The following GBE1 variants were observed in gnomAD, a reference collection of about 807,000 sequenced individuals.
GBE1 encodes 1,4-alpha-glucan branching enzyme 1.
Under a neutral mutation model 88.8 loss-of-function variants are expected in GBE1, and 70 were observed. The observed-to-expected ratio is 0.79, with a 90% CI of 0.65 to 0.96. GBE1 has a LOEUF of 0.96. GBE1 is among the 40% of genes least tolerant of loss of function. GBE1 has a pLI of 0.00. For missense variants in GBE1, 872 were observed against 871.0 expected, an observed-to-expected ratio of 1.00 and a Z score of -0.01; for synonymous variants, 284 against 300.1, an observed-to-expected ratio of 0.95 and a Z score of 0.56.
chr3:81,577,687 G>C (rs1484144422), intron 12 of GBE1, among the ~76,000 whole-genome samples: 1 of 152,080 alleles, frequency 6.6e-6, no homozygotes, highest in Non-Finnish European at 1.5e-5. Flanking sequence ...AAGCCCGCTT[G>C]ACAGCAATAT....
intron 9 of GBE1, among the ~76,000 whole-genome samples, chr3:81,587,640 A>G (rs1490774304): frequency 6.6e-6 from 1 of 152,168 alleles, no homozygotes; most frequent in Admixed American, 6.5e-5. Context: ...TGTAAGATCC[A>G]TGAGGGCAAG....
At chr3:81,575,285 T>C (rs994519863) in intron 12 of GBE1, among the ~76,000 whole-genome samples, 6 of 151,910 alleles carry the variant, frequency 3.9e-5, no homozygotes, top group African/African-American at 1.5e-4. Flanking sequence ...AAAATACAAA[T>C]CTATTTATTC....
At chr3:81,518,022 T>A (rs1049723866) in intron 14 of GBE1, among the ~76,000 whole-genome samples, 2 of 151,356 alleles carry the variant, frequency 1.3e-5, no homozygotes, top group Non-Finnish European at 3.0e-5. Context: ...ATCTCGAAGT[T>A]TACAAACACA....
At chr3:81,589,185 T>C (rs370075099) in intron 9 of GBE1, among the ~76,000 whole-genome samples, 9 of 152,162 alleles carry the variant, frequency 5.9e-5, no homozygotes, top group East Asian at 3.9e-4. Context: ...AGAGCACTTA[T>C]AACCATTCCA....
rs535766124 is a variant in GBE1 at position 81,668,163 on chromosome 3, T to G, written c.429+2675A>C. 9.9e-5 allele frequency among the ~76,000 whole-genome samples: 15 copies of G among 152,104 alleles called. No homozygotes were observed. The South Asian group carries it at 3.1e-3, about 32-fold the overall frequency. On this transcript the variant is annotated intron_variant, in intron 3 of 15. Transcript: ENST00000429644. ...CATGTTCTCACTCATAAATGGGAGT[T>G]GAACAATGAGAATACACGGGGAGGA...
At chr3:81,649,430 G>A (rs759029728) in intron 4 of GBE1, among the ~76,000 whole-genome samples, 1 of 151,740 alleles carries the variant, frequency 6.6e-6, no homozygotes, top group Non-Finnish European at 1.5e-5. Flanking sequence ...TCCCCATTCC[G>A]TGTTTCTAAG....
In GBE1 at chr3:81,737,983, G is replaced by A. The variant is rs1176593198; in HGVS notation, c.143+23392C>T. Among the ~76,000 whole-genome samples, 5 of 151,660 alleles carry A rather than the reference G, an allele frequency of 3.3e-5. No homozygotes were observed. In the East Asian group the frequency reaches 5.9e-4, roughly 18 times the overall value. On this transcript the variant is annotated intron_variant, in intron 1 of 15. Transcript: ENST00000429644. ...TGTTCTCATTGTTCAATTCCCACCT[G>A]TGAGTGAGAATATGCAGTGTTTGGT...
intron 14 of GBE1, among the ~76,000 whole-genome samples, chr3:81,503,673 C>CA (rs1263115995): frequency 6.6e-6 from 1 of 152,104 alleles, no homozygotes; most frequent in Non-Finnish European, 1.5e-5. Flanking sequence ...TGCCCAAAGG[C>CA]AGACAGCTTG....
At chr3:81,717,825 A>C (rs1434297637) in intron 1 of GBE1, among the ~76,000 whole-genome samples, 2 of 152,166 alleles carry the variant, frequency 1.3e-5, no homozygotes, top group Non-Finnish European at 2.9e-5. Context: ...GTTATTTTGC[A>C]CATTTCCCAC....
chr3:81,499,812 T>C (rs1702562515), intron 14 of GBE1, among the ~76,000 whole-genome samples: 1 of 152,208 alleles, frequency 6.6e-6, no homozygotes, highest in African/African-American at 2.4e-5. Flanking sequence ...AGTTGTTAGA[T>C]AGTATTAGCA....
At chr3:81,513,110 G>A (rs1295058429) in intron 14 of GBE1, among the ~76,000 whole-genome samples, 3 of 151,542 alleles carry the variant, frequency 2.0e-5, no homozygotes, top group Non-Finnish European at 4.4e-5. Flanking sequence ...GTCAAGGTGG[G>A]GAGAATCATT....
intron 1 of GBE1, among the ~76,000 whole-genome samples, chr3:81,724,927 C>G (rs1213297201): frequency 6.6e-6 from 1 of 152,192 alleles, no homozygotes; most frequent in African/African-American, 2.4e-5. Flanking sequence ...TCTCACTCAA[C>G]TGAGCTATTT....
intron 9 of GBE1, among the ~76,000 whole-genome samples, chr3:81,588,423 G>A (rs887529701): frequency 6.6e-6 from 1 of 152,058 alleles, no homozygotes; most frequent in African/African-American, 2.4e-5. Flanking sequence ...GTGATGGACT[G>A]GTATTAAAGA....
chr3:81,543,308 G>A (rs542031942), intron 12 of GBE1, among the ~76,000 whole-genome samples: 12 of 152,174 alleles, frequency 7.9e-5, no homozygotes, highest in African/African-American at 2.6e-4. Flanking sequence ...ATCAGTGATT[G>A]TAGACAAAAC....
rs554508004 is a variant in GBE1, at chr3:81,547,563, A to G, written c.1619-10468T>C. ...GGCCACTCAGGGCAAGGGAACCCAGAAGCCCGGCATGCCAGCAAAAGGATA... is the reference window on the plus strand; with the variant it reads ...GGCCACTCAGGGCAAGGGAACCCAGGAGCCCGGCATGCCAGCAAAAGGATA... On this transcript the variant is annotated intron_variant, in intron 12 of 15. Transcript: ENST00000429644. Among the ~76,000 whole-genome samples, 42 of 151,218 alleles carry G rather than the reference A, an allele frequency of 2.8e-4. 1 individual carries two copies. The highest frequency in any genetic ancestry group is 5.3e-4 in the Non-Finnish European group (36 of 67,438).
intron 14 of GBE1, among the ~76,000 whole-genome samples, chr3:81,526,984 A>G (rs1388717163): frequency 1.3e-5 from 2 of 152,162 alleles, no homozygotes; most frequent in Non-Finnish European, 2.9e-5. Context: ...ACAAGGTGAC[A>G]GTAACCAAAA....
chr3:81,621,383 G>A (rs1013000073), intron 7 of GBE1, among the ~76,000 whole-genome samples: 2 of 152,054 alleles, frequency 1.3e-5, no homozygotes, highest in African/African-American at 4.8e-5. Context: ...GAAAATGTAA[G>A]GGAAATGGAG....
chr3:81,576,653 G>C (rs1290142662), intron 12 of GBE1, among the ~76,000 whole-genome samples: 1 of 152,034 alleles, frequency 6.6e-6, no homozygotes, highest in East Asian at 1.9e-4. Context: ...TTTATTTATG[G>C]AACCAATCAT....
intron 1 of GBE1, among the ~76,000 whole-genome samples, chr3:81,747,373 T>C (rs1471365596): frequency 6.6e-6 from 1 of 152,138 alleles, no homozygotes; most frequent in Non-Finnish European, 1.5e-5. Flanking sequence ...GTAGAACATA[T>C]AATGAACTCT....
Sources: allele counts gnomAD v4.1 joint callset (sites outside exome capture counted in the v4.1 genomes callset), GRCh38; gene constraint gnomAD v4.1.1; transcripts MANE v1.5; gene names NCBI Gene and HGNC (gene_info 2026-07-23, HGNC 2026-07-21).